WDPCP: variants seen among roughly 807,000 people sequenced by gnomAD.
WDPCP encodes WD repeat-containing and planar cell polarity effector protein fritz homolog.
A neutral mutation model predicts 93.1 loss-of-function variants in WDPCP; 71 were observed. The observed-to-expected ratio is 0.76, with a 90% CI of 0.63 to 0.93. The LOEUF (loss-of-function observed/expected upper bound fraction) is 0.93. Ranked by LOEUF, WDPCP falls within the 40% of genes least tolerant of loss-of-function variation. WDPCP has a pLI of 0.00. For synonymous variants in WDPCP, 315 were observed against 315.0 expected (o/e 1.00, Z 0.00); for missense variants, 844 against 887.4 (o/e 0.95, Z 0.62).
intron 17 of WDPCP, among the ~76,000 whole-genome samples, chr2:63,152,638 A>G (rs1259711878): frequency 6.6e-6 from 1 of 152,220 alleles, no homozygotes; most frequent in East Asian, 1.9e-4. Context: ...ATTTTGAGTC[A>G]ACTTGAAGAT....
At chr2:63,192,171 C>A (rs545392989) in intron 14 of WDPCP, among the ~76,000 whole-genome samples, 1 of 152,248 alleles carries the variant, frequency 6.6e-6, no homozygotes, top group African/African-American at 2.4e-5. Flanking sequence ...TTCCATTTCA[C>A]AGCAAGAATG....
intron 3 of WDPCP, among the ~76,000 whole-genome samples, chr2:63,617,903 T>C (rs1709690191): frequency 6.6e-6 from 1 of 152,204 alleles, no homozygotes; most frequent in South Asian, 2.1e-4. Flanking sequence ...ACACATTTGT[T>C]TTCAACCCAG....
At chr2:63,430,697 C>T (rs1696687845) in intron 9 of WDPCP, among the ~76,000 whole-genome samples, 1 of 151,890 alleles carries the variant, frequency 6.6e-6, no homozygotes, top group Admixed American at 6.6e-5. Flanking sequence ...TCCTGGCCAA[C>T]ATGTTGAAAC....
chr2:63,528,087 T>C (rs1227488653), intron 1 of WDPCP, among the ~76,000 whole-genome samples: 2 of 152,150 alleles, frequency 1.3e-5, no homozygotes, highest in Non-Finnish European at 2.9e-5. Flanking sequence ...TTCTTGTAAA[T>C]TTGAGTTCTT....
At chr2:63,670,410 G>A (rs1710331586) in intron 2 of WDPCP, among the ~76,000 whole-genome samples, 1 of 152,088 alleles carries the variant, frequency 6.6e-6, no homozygotes, top group East Asian at 1.9e-4. Context: ...TAGAACCTAA[G>A]GAAAGTGTGA....
intron 17 of WDPCP, among the ~76,000 whole-genome samples, chr2:63,146,006 C>G (rs1671473212): frequency 6.6e-6 from 1 of 152,070 alleles, no homozygotes; most frequent in Non-Finnish European, 1.5e-5. Flanking sequence ...TGGCTCTTGG[C>G]TTGGCTATTG....
At chr2:63,134,786 A>G (rs990298317) in intron 17 of WDPCP, among the ~76,000 whole-genome samples, 4 of 152,194 alleles carry the variant, frequency 2.6e-5, no homozygotes, top group Non-Finnish European at 5.9e-5. Context: ...GTATAGGGAA[A>G]TTGCTGTGTA....
intron 15 of WDPCP, among the ~76,000 whole-genome samples, chr2:63,157,304 A>G (rs189109846): frequency 1.3e-5 from 2 of 152,086 alleles, no homozygotes; most frequent in African/African-American, 4.8e-5. Flanking sequence ...ACAGTAGTCT[A>G]TAGTTTTTTG....
intron 3 of WDPCP, among the ~76,000 whole-genome samples, chr2:63,619,892 C>T (rs1558868064): frequency 6.6e-6 from 1 of 152,200 alleles, no homozygotes; most frequent in South Asian, 2.1e-4. Flanking sequence ...CAGAGTGGGA[C>T]ATTGCCTCAC....
At chr2:63,363,188 C>A (rs539393555) in intron 12 of WDPCP, among the ~76,000 whole-genome samples, 5 of 152,028 alleles carry the variant, frequency 3.3e-5, no homozygotes, top group Admixed American at 1.3e-4. Flanking sequence ...CTTTGCAATA[C>A]CCAGAAATTA....
intron 3 of WDPCP, among the ~76,000 whole-genome samples, chr2:63,615,115 C>A (rs1709658388): frequency 6.6e-6 from 1 of 152,134 alleles, no homozygotes. Context: ...AAAAAGCAGC[C>A]CAGGAAATCA....
chr2:63,823,892 G>A (rs530237545), intron 1 of WDPCP, among the ~76,000 whole-genome samples: 1 of 152,236 alleles, frequency 6.6e-6, no homozygotes, highest in African/African-American at 2.4e-5. Context: ...TGGGAAATGG[G>A]CTGGGCATGG....
At chr2:63,227,836 AT>A (rs1678426087) in intron 14 of WDPCP, among the ~76,000 whole-genome samples, 1 of 152,088 alleles carries the variant, frequency 6.6e-6, no homozygotes, top group South Asian at 2.1e-4. Flanking sequence ...ATAATATTCC[AT>A]TTTTATTTAT....
intron 13 of WDPCP, among the ~76,000 whole-genome samples, chr2:63,303,116 C>T (rs1209322500): frequency 6.6e-6 from 1 of 152,192 alleles, no homozygotes; most frequent in Non-Finnish European, 1.5e-5. Context: ...CCCACCCAAG[C>T]CCCTCAGAGT....
chr2:63,782,616 T>G (rs565742488), intron 2 of WDPCP, among the ~76,000 whole-genome samples: 6 of 152,304 alleles, frequency 3.9e-5, no homozygotes, highest in Admixed American at 1.3e-4. Flanking sequence ...CAATGAGATA[T>G]TGTCTTATAC....
intron 14 of WDPCP, among the ~76,000 whole-genome samples, chr2:63,190,677 AT>A (rs1412682405): frequency 2.0e-5 from 3 of 152,136 alleles, no homozygotes; most frequent in African/African-American, 7.2e-5. Flanking sequence ...ATAATATGTG[AT>A]TATATTTTTG....
intron 14 of WDPCP, among the ~76,000 whole-genome samples, chr2:63,221,127 TG>T (rs1553563604): frequency 2.0e-5 from 3 of 152,200 alleles, no homozygotes; most frequent in Non-Finnish European, 4.4e-5. Flanking sequence ...GTTGATTCCA[TG>T]TCTTTGCTAT....
At chr2:63,693,217 A>T (rs1254930466) in intron 2 of WDPCP, among the ~76,000 whole-genome samples, 1 of 152,142 alleles carries the variant, frequency 6.6e-6, no homozygotes, top group Non-Finnish European at 1.5e-5. Context: ...GCACAAGGGG[A>T]CTATAAACTA....
At chr2:63,353,078 A>G (rs973683900) in intron 12 of WDPCP, among the ~76,000 whole-genome samples, 4 of 152,164 alleles carry the variant, frequency 2.6e-5, no homozygotes, top group African/African-American at 9.7e-5. Flanking sequence ...CGGAAGCAAC[A>G]CAGAGCCAGG....
Sources: allele counts gnomAD v4.1 joint callset (sites outside exome capture counted in the v4.1 genomes callset), GRCh38; gene constraint gnomAD v4.1.1; transcripts MANE v1.5; gene names NCBI Gene and HGNC (gene_info 2026-07-23, HGNC 2026-07-21).